Variants in GNAI1 observed in about 807,000 individuals in gnomAD.
The protein encoded by GNAI1 is guanine nucleotide-binding protein G(i) subunit alpha-1.
Under a neutral mutation model 38.9 loss-of-function variants are expected in GNAI1, and 11 were observed. That is an observed-to-expected ratio of 0.28 (90% CI 0.18 to 0.47). The LOEUF (loss-of-function observed/expected upper bound fraction) is 0.47, where lower values mean the gene tolerates loss of function less well. GNAI1 is among the 20% of genes least tolerant of loss of function. GNAI1 has a pLI of 0.99. For synonymous variants in GNAI1, 166 were observed against 145.1 expected (o/e 1.14, Z -1.04); for missense variants, 317 against 436.9 (o/e 0.73, Z 2.45).
chr7:80,205,944 A>G (rs1466281587), intron 5 of GNAI1, among the ~76,000 whole-genome samples: 9 of 151,980 alleles, frequency 5.9e-5, no homozygotes, highest in Admixed American at 5.3e-4. Flanking sequence ...TTGCTCTGAA[A>G]TGGTCGTGAT....
Position 80,204,913 on chromosome 7 carries a change from A to G in GNAI1, c.590+1081A>G, listed in dbSNP as rs1788747592. ...GACCACTGTAGTGTTACTTGATGTT[A>G]AAAAAATATTTAAAAATACAGATGT... On this transcript the variant is annotated intron_variant, in intron 5 of 7. Coordinates refer to ENST00000649796, the MANE Select transcript of GNAI1 (RefSeq NM_002069.6). Among the ~76,000 whole-genome samples the G allele has an allele frequency of 2.4e-5, 3 of 125,894 alleles. No homozygotes were observed. The South Asian group carries it at 7.2e-4, about 30-fold the overall frequency. The allele number at this position is 125,894 out of a possible 152,430, so 82.6% of individuals were successfully genotyped here. A position where few individuals can be genotyped will look rare whatever the true frequency, so the allele number is the denominator to read the frequency against.
At chr7:80,204,371 C>CAG (rs1383027207) in intron 5 of GNAI1, among the ~76,000 whole-genome samples, 3 of 152,024 alleles carry the variant, frequency 2.0e-5, no homozygotes, top group African/African-American at 7.2e-5. Flanking sequence ...GAGGTCGGAG[C>CAG]AGAAAAGCAC....
At chr7:80,155,579 T>C (rs1470834604) in intron 1 of GNAI1, among the ~76,000 whole-genome samples, 1 of 152,200 alleles carries the variant, frequency 6.6e-6, no homozygotes. Context: ...TTTCAAGACT[T>C]TGTACTCTTA....
intron 1 of GNAI1, among the ~76,000 whole-genome samples, chr7:80,174,572 A>G (rs1398036567): frequency 6.6e-6 from 1 of 150,600 alleles, no homozygotes; most frequent in African/African-American, 2.4e-5. Context: ...GTTTGCCTTT[A>G]TATTTTATTT....
Position 80,221,822 on chromosome 7 carries a change from T to C in GNAI1, c.*4329T>C, listed in dbSNP as rs1432490155. Reference sequence around the variant, plus strand: ...TACACCCAGCTAATTTTTGTATTTTTAGTAAAGGGGGGTTTCACCATGTTG... The same window carrying C: ...TACACCCAGCTAATTTTTGTATTTTCAGTAAAGGGGGGTTTCACCATGTTG... On this transcript the variant is annotated 3_prime_UTR_variant, in exon 8 of 8. Transcript: ENST00000649796. Among the ~76,000 whole-genome samples the C allele has an allele frequency of 6.6e-6, 1 of 151,850 alleles. No individual in the cohort carries two copies. The highest frequency in any genetic ancestry group is 1.5e-5 in the Non-Finnish European group (1 of 67,950).
chr7:80,174,597 TTTC>T (rs1788151007), intron 1 of GNAI1, among the ~76,000 whole-genome samples: 1 of 152,022 alleles, frequency 6.6e-6, no homozygotes, highest in Non-Finnish European at 1.5e-5. Context: ...TTTTACTTTT[TTTC>T]TTCAAGTAGG....
intron 1 of GNAI1, among the ~76,000 whole-genome samples, chr7:80,152,247 T>G (rs956658121): frequency 1.3e-5 from 2 of 152,214 alleles, no homozygotes; most frequent in Non-Finnish European, 2.9e-5. Flanking sequence ...TGTTATTTCA[T>G]GTGTGCATTT....
chr7:80,171,446 CTT>C (rs1788096814), intron 1 of GNAI1, among the ~76,000 whole-genome samples: 1 of 152,138 alleles, frequency 6.6e-6, no homozygotes, highest in Non-Finnish European at 1.5e-5. Flanking sequence ...GAAGGCTTGT[CTT>C]TTATTGATCT....
At chr7:80,139,387 C>T (rs114418803) in intron 1 of GNAI1, among the ~76,000 whole-genome samples, 2,123 of 152,268 alleles carry the variant, frequency 0.014, 48 homozygotes, top group African/African-American at 0.046. Flanking sequence ...ATCTTTTAGA[C>T]TTGGCTTCCC....
At chr7:80,184,251 C>A (rs927091671) in intron 1 of GNAI1, among the ~76,000 whole-genome samples, 1 of 152,110 alleles carries the variant, frequency 6.6e-6, no homozygotes, top group African/African-American at 2.4e-5. Flanking sequence ...AGAGCAGGAA[C>A]AGAAGGAAGG....
In GNAI1 at chr7:80,217,581, GAATGT is replaced by G; in HGVS notation, c.*92_*96del. The G allele has an allele frequency of 1.4e-6, 1 of 695,782 alleles. No individual in the cohort carries two copies. Among genetic ancestry groups the G allele is most frequent in the Admixed American group, 3.2e-5 (1 of 31,550 alleles). 43.1% of individuals were successfully genotyped at this position (695,782 alleles called of 1,614,324 possible). Reference sequence around the variant, plus strand: ...TAGACTAGAGTCTTGCAGCAACACAGAATGTAATATAAGGCAAATGCATCTGGGAC... The same window carrying G: ...TAGACTAGAGTCTTGCAGCAACACAGAATATAAGGCAAATGCATCTGGGAC... On this transcript the variant is annotated 3_prime_UTR_variant, in exon 8 of 8. Coordinates refer to ENST00000649796, the MANE Select transcript of GNAI1 (RefSeq NM_002069.6).
chr7:80,154,312 A>G (rs1787780045), intron 1 of GNAI1, among the ~76,000 whole-genome samples: 1 of 152,180 alleles, frequency 6.6e-6, no homozygotes, highest in Non-Finnish European at 1.5e-5. Context: ...TAGAGTTCTC[A>G]CTTGTAAACA....
At chr7:80,172,235 C>T (rs1788108737) in intron 1 of GNAI1, among the ~76,000 whole-genome samples, 1 of 152,110 alleles carries the variant, frequency 6.6e-6, no homozygotes, top group South Asian at 2.1e-4. Context: ...GTCTTTGGGT[C>T]CAGTTCTAGA....
intron 2 of GNAI1, 34 bp downstream of exon 2, chr7:80,189,027 A>T: frequency 6.2e-7 from 1 of 1,604,922 alleles, no homozygotes; most frequent in Non-Finnish European, 8.5e-7. Flanking sequence ...TTGCTGTTTA[A>T]GTTAGTGTAC....
chr7:80,190,513 T>A (rs1788463238), intron 3 of GNAI1, among the ~76,000 whole-genome samples: 1 of 152,090 alleles, frequency 6.6e-6, no homozygotes, highest in African/African-American at 2.4e-5. Context: ...CAAATCTTAT[T>A]TCAGAAAAGA....
At chr7:80,157,924 G>A (rs975405411) in intron 1 of GNAI1, among the ~76,000 whole-genome samples, 1 of 152,110 alleles carries the variant, frequency 6.6e-6, no homozygotes, top group African/African-American at 2.4e-5. Flanking sequence ...GGCCAGGCTA[G>A]TCTTGAACTC....
intron 1 of GNAI1, among the ~76,000 whole-genome samples, chr7:80,177,352 T>C (rs1788203561): frequency 6.6e-6 from 1 of 152,144 alleles, no homozygotes; most frequent in Non-Finnish European, 1.5e-5. Context: ...TAGAGCGTGG[T>C]TTTCCTAATA....
At chr7:80,186,944 T>A (rs1271818088) in intron 1 of GNAI1, 47 of 152,180 alleles carry the variant, frequency 3.1e-4, no homozygotes, top group Admixed American at 3.1e-3. Context: ...TAATAAATAA[T>A]GGGTTGTTTA....
chr7:80,135,739 G>C, intron 1 of GNAI1: 1 of 965,208 alleles, frequency 1.0e-6, no homozygotes, highest in Non-Finnish European at 1.2e-6. Context: ...CTCATGCCCA[G>C]AGTGCCACGT....
Sources: gnomAD v4.1 joint callset for allele counts (sites outside exome capture counted in the v4.1 genomes callset) on GRCh38, gnomAD v4.1.1 for gene constraint, MANE v1.5 for transcripts, NCBI Gene and HGNC (gene_info 2026-07-23, HGNC 2026-07-21) for gene names.